Variants in MAPK6 observed in about 807,000 individuals in gnomAD.
MAPK6 encodes mitogen-activated protein kinase 6.
Under a neutral mutation model 59.3 loss-of-function variants are expected in MAPK6, and 19 were observed. The observed-to-expected ratio is 0.32, with a 90% CI of 0.22 to 0.47. The LOEUF (loss-of-function observed/expected upper bound fraction) is 0.47, where lower values mean the gene tolerates loss of function less well. Among genes scored for constraint, MAPK6 ranks in the 20% least tolerant of loss-of-function variants. The pLI is 1.00. For synonymous variants in MAPK6, 316 were observed against 290.3 expected (o/e 1.09, Z -0.90); for missense variants, 724 against 847.9 (o/e 0.85, Z 1.81).
In MAPK6 at chr15:52,046,719, A is replaced by G; in HGVS notation, c.259A>G (p.Ser87Gly). Residue 87 changes from serine (S) to glycine (G), a missense_variant, in exon 2 of 6, where the codon AGT becomes GGT. This residue lies in a region of MAPK6 where 87 missense variants were observed against 93.0 expected (regional missense o/e 0.93). Transcript: ENST00000261845. The stretch of plus-strand genomic sequence containing the variant: ...GAAAGTGTTTGAGATTCTTGGTCCC[A>G]GTGGAAGCCAATTAACAGACGATGT... ...IVKVFEILGP[S>G]GSQLTDDVGS... The G allele has an allele frequency of 1.2e-6, 2 of 1,614,252 alleles. No individual in the cohort carries two copies. Among genetic ancestry groups the G allele is most frequent in the Non-Finnish European group, 1.7e-6 (2 of 1,180,036 alleles).
upstream of MAPK6, among the ~76,000 whole-genome samples, chr15:52,014,703 T>TAAAAAA (rs796259080): frequency 4.2e-5 from 5 of 119,460 alleles, no homozygotes; most frequent in Non-Finnish European, 7.0e-5. Context: ...TGAGATTTTC[T>TAAAAAA]AAAAAAAAAA....
At chr15:52,032,083 C>T (rs556121275) in intron 1 of MAPK6, among the ~76,000 whole-genome samples, 2 of 151,976 alleles carry the variant, frequency 1.3e-5, no homozygotes, top group East Asian at 3.9e-4. Context: ...ACCATGTTAG[C>T]CAGGATGGTC....
intron 1 of MAPK6, among the ~76,000 whole-genome samples, chr15:51,979,299 C>G (rs1422920755): frequency 1.3e-5 from 2 of 151,580 alleles, no homozygotes; most frequent in African/African-American, 2.4e-5. Flanking sequence ...AGCTAAGAAA[C>G]TTTGCCCTAA....
Position 51,996,692 on chromosome 15 carries a change from G to A in MAPK6, c.-769-7573G>A, listed in dbSNP as rs73398738. 1.3e-3 allele frequency among the ~76,000 whole-genome samples: 196 copies of A among 151,116 alleles called. 1 individual carries two copies. Among genetic ancestry groups the A allele is most frequent in the African/African-American group, 4.4e-3 (183 of 41,156 alleles). ...ACTACAAGCATGAGCCACGGCGCCC[G>A]TCCTCCTCCTCCTTCTTCTTGACAA... On this transcript the variant is annotated intron_variant, in intron 2 of 7. Coordinates refer to the MAPK6 transcript ENST00000691380.
chr15:51,974,530 G>A (rs1164793700), intron 1 of MAPK6, among the ~76,000 whole-genome samples: 1 of 150,082 alleles, frequency 6.7e-6, no homozygotes, highest in Non-Finnish European at 1.5e-5. Context: ...ATGGTGACGG[G>A]CACCTGTAGT....
At chr15:51,999,641 T>C (rs1297546550) in intron 2 of MAPK6, among the ~76,000 whole-genome samples, 3 of 152,260 alleles carry the variant, frequency 2.0e-5, no homozygotes, top group South Asian at 4.1e-4. Flanking sequence ...TTTTATTTAT[T>C]TATGTATTTA....
chr15:52,004,545 T>C (rs969141848), intron 3 of MAPK6: 1 of 152,190 alleles, frequency 6.6e-6, no homozygotes, highest in Non-Finnish European at 1.5e-5. Context: ...ATACCTGAGA[T>C]TGAATAATTT....
chr15:52,065,083 A>C lies in MAPK6; in HGVS notation c.*83A>C. 1 of 1,316,510 alleles carries C rather than the reference A, an allele frequency of 7.6e-7. No individual in the cohort carries two copies. The highest frequency in any genetic ancestry group is 1.7e-5 in the South Asian group (1 of 57,876). The allele number at this position is 1,316,510 out of a possible 1,614,324, so 81.6% of individuals were successfully genotyped here. On this transcript the variant is annotated 3_prime_UTR_variant, in exon 6 of 6. Coordinates refer to ENST00000261845, the MANE Select transcript of MAPK6 (RefSeq NM_002748.4). Reference sequence around the variant, plus strand: ...ATTACTAGTGTTTAAGTCATTTTTTACTTGAATCAGATGGTGTCATTTAGT... The same window carrying C: ...ATTACTAGTGTTTAAGTCATTTTTTCCTTGAATCAGATGGTGTCATTTAGT...
intron 2 of MAPK6, among the ~76,000 whole-genome samples, chr15:51,988,032 C>T (rs1228598103): frequency 6.6e-6 from 1 of 152,016 alleles, no homozygotes; most frequent in African/African-American, 2.4e-5. Flanking sequence ...TCCCAAAGTG[C>T]TAGGATTACA....
At chr15:52,019,743 C>T (rs1470218665) in intron 1 of MAPK6, among the ~76,000 whole-genome samples, 1 of 151,508 alleles carries the variant, frequency 6.6e-6, no homozygotes, top group South Asian at 2.1e-4. Context: ...CGCCTGCTGC[C>T]GTCCCGCCGC....
chr15:51,982,109 A>C (rs978403373), intron 1 of MAPK6, among the ~76,000 whole-genome samples: 6 of 152,228 alleles, frequency 3.9e-5, no homozygotes, highest in African/African-American at 1.4e-4. Flanking sequence ...AATTTTACAA[A>C]TAGAAAGGAA....
chr15:52,043,742 ATTTTTTTTT>A (rs71130125), intron 1 of MAPK6, among the ~76,000 whole-genome samples: 8 of 40,656 alleles, frequency 2.0e-4, no homozygotes, highest in African/African-American at 3.6e-4. Context: ...AAGTTGTTTG[ATTTTTTTTT>A]TTTTTTTTTT....
intron 2 of MAPK6, chr15:52,004,084 G>C (rs1234666122): frequency 6.6e-6 from 1 of 152,094 alleles, no homozygotes; most frequent in African/African-American, 2.4e-5. Flanking sequence ...ATGAAAATTG[G>C]TCTGTGGAGA....
At position 52,019,245 on chromosome 15, in the gene MAPK6, G is replaced by A. The variant is rs1327385249; in HGVS notation, c.-763G>A. 6.6e-6 allele frequency: 1 copy of A among 152,184 alleles called. No individual in the cohort carries two copies. Among genetic ancestry groups the A allele is most frequent in the East Asian group, 1.9e-4 (1 of 5,154 alleles). The allele number at this position is 152,184 out of a possible 1,614,324, so 9.4% of individuals were successfully genotyped here. ...TTCCTCGCCCTCTCTCGCGGGTCGG[G>A]GTTACATGGCGGCGACTGCGGCAAA... is the stretch of plus-strand genomic sequence containing the variant. On this transcript the variant is annotated 5_prime_UTR_variant, in exon 1 of 6. Coordinates refer to ENST00000261845, the MANE Select transcript of MAPK6 (RefSeq NM_002748.4).
chr15:51,978,421 A>G (rs1458238500), intron 1 of MAPK6, among the ~76,000 whole-genome samples: 2 of 151,992 alleles, frequency 1.3e-5, no homozygotes, highest in Non-Finnish European at 2.9e-5. Context: ...GGCGTGAGCC[A>G]CCATGCCCAG....
intron 2 of MAPK6, among the ~76,000 whole-genome samples, chr15:51,988,450 T>A: frequency 6.6e-6 from 1 of 152,084 alleles, no homozygotes; most frequent in Non-Finnish European, 1.5e-5. Flanking sequence ...GCAACAGAAA[T>A]GAGCCAGGAG....
chr15:52,051,611 C>T (rs1025214103), intron 3 of MAPK6, among the ~76,000 whole-genome samples: 5 of 152,222 alleles, frequency 3.3e-5, no homozygotes, highest in Non-Finnish European at 5.9e-5. Context: ...CAGTGTCTCA[C>T]GCCTGTAATC....
chr15:51,993,947 TTTTA>T (rs147415900), intron 2 of MAPK6, among the ~76,000 whole-genome samples: 3 of 151,564 alleles, frequency 2.0e-5, no homozygotes, highest in Non-Finnish European at 4.4e-5. Context: ...CTCGGTTTCT[TTTTA>T]TTTATTTATT....
chr15:52,053,896 C>A (rs140482694), intron 3 of MAPK6, among the ~76,000 whole-genome samples: 2,521 of 152,030 alleles, frequency 0.017, 31 homozygotes, highest in African/African-American at 0.034. Flanking sequence ...CTCAGCCTCC[C>A]AAAGTGCTGG....
Sources: allele counts gnomAD v4.1 joint callset (sites outside exome capture counted in the v4.1 genomes callset), GRCh38; gene constraint gnomAD v4.1.1; regional missense constraint gnomAD v4.1.1; transcripts MANE v1.5; gene names NCBI Gene and HGNC (gene_info 2026-07-23, HGNC 2026-07-21).